Variants in KATNIP observed in about 807,000 individuals in gnomAD.
KATNIP encodes katanin-interacting protein.
Under a neutral mutation model 174.0 loss-of-function variants are expected in KATNIP, and 126 were observed. The ratio of observed to expected loss-of-function variants is 0.72; its 90% CI spans 0.63 to 0.84. KATNIP has a LOEUF of 0.84. Among genes scored for constraint, KATNIP ranks in the 40% least tolerant of loss-of-function variants. KATNIP has a pLI of 0.00. For synonymous variants in KATNIP, 810 were observed against 835.7 expected (o/e 0.97, Z 0.53); for missense variants, 1,958 against 2,109.7 (o/e 0.93, Z 1.41).
intron 21 of KATNIP, 135 bp from the exon 22 acceptor site, chr16:27,771,453 T>A: frequency 1.4e-6 from 1 of 728,472 alleles, no homozygotes; most frequent in Non-Finnish European, 2.2e-6. Context: ...AGGGGCCTCA[T>A]CTCTCTTTTC....
chr16:27,585,144 G>T (rs148709505), intron 2 of KATNIP, among the ~76,000 whole-genome samples: 1 of 152,144 alleles, frequency 6.6e-6, no homozygotes, highest in Non-Finnish European at 1.5e-5. Flanking sequence ...GAGCTGGTCT[G>T]ATACTTACCT....
intron 14 of KATNIP, among the ~76,000 whole-genome samples, chr16:27,723,813 C>T (rs932082805): frequency 6.6e-6 from 1 of 151,742 alleles, no homozygotes; most frequent in African/African-American, 2.4e-5. Flanking sequence ...CTTCCTCCCT[C>T]CCTCCCTCCT....
rs890171441 is a variant in KATNIP at position 27,750,576 on chromosome 16, C to A, written c.3346+270C>A. ...CTGGGACTACAGGCACCCGCCAACA[C>A]GCCCGGCTAATTTTTTGTATTTTTT... On this transcript the variant is annotated intron_variant, in intron 16 of 27. Coordinates refer to ENST00000261588, the MANE Select transcript of KATNIP (RefSeq NM_015202.5). 5.6e-4 allele frequency among the ~76,000 whole-genome samples: 84 copies of A among 150,964 alleles called. 1 individual carries two copies. Among genetic ancestry groups the A allele is most frequent in the African/African-American group, 1.9e-3 (79 of 41,130 alleles).
chr16:27,761,375 C>G (rs1303592002), intron 18 of KATNIP, 38 bp from the exon 19 acceptor site: 1 of 1,564,090 alleles, frequency 6.4e-7, no homozygotes, highest in Non-Finnish European at 8.7e-7. Context: ...TCCTCTGGAG[C>G]CTCTGGTGCT....
rs114497251 is a variant in KATNIP, at chr16:27,593,190, A to C, written c.63+19234A>C. 5.3e-3 allele frequency among the ~76,000 whole-genome samples: 805 copies of C among 151,336 alleles called. 12 individuals are homozygous for C. Among genetic ancestry groups the C allele is most frequent in the African/African-American group, 0.019 (772 of 41,320 alleles). On this transcript the variant is annotated intron_variant, in intron 2 of 27. Coordinates refer to ENST00000261588, the MANE Select transcript of KATNIP (RefSeq NM_015202.5). ...CTCCTAAGTTCACTTACCCACTTAA[A>C]GAGAGTAGCCAGATCTGCCCTAAAC...
At chr16:27,771,508 G>A (rs2082300777) in intron 21 of KATNIP, 80 bp from the exon 22 acceptor site, 2 of 1,386,150 alleles carry the variant, frequency 1.4e-6, no homozygotes, top group Admixed American at 3.6e-5. Flanking sequence ...TTTCTTCAAA[G>A]GCTGTTACCT....
At chr16:27,713,633 A>G (rs1597257952) in intron 13 of KATNIP, among the ~76,000 whole-genome samples, 1 of 10,730 alleles carries the variant, frequency 9.3e-5, no homozygotes, top group South Asian at 4.9e-3. Context: ...TTATGTGTGT[A>G]TTTATATTTA....
At chr16:27,701,496 C>T in intron 10 of KATNIP, 93 bp from the exon 11 acceptor site, 1 of 889,482 alleles carries the variant, frequency 1.1e-6, no homozygotes. Context: ...GGACTGTCAG[C>T]CTGAGCATGC....
At chr16:27,568,026 T>G (rs2090153865) in intron 1 of KATNIP, among the ~76,000 whole-genome samples, 1 of 152,070 alleles carries the variant, frequency 6.6e-6, no homozygotes, top group South Asian at 2.1e-4. Context: ...ACCTTAAGAG[T>G]CCTTCACATG....
chr16:27,766,972 C>T (rs1361032074), intron 20 of KATNIP, among the ~76,000 whole-genome samples: 1 of 152,142 alleles, frequency 6.6e-6, no homozygotes, highest in Admixed American at 6.5e-5. Flanking sequence ...CTGGAGCCCA[C>T]ATTGTGATTT....
chr16:27,558,660 C>T (rs2089727095), intron 1 of KATNIP, among the ~76,000 whole-genome samples: 1 of 152,228 alleles, frequency 6.6e-6, no homozygotes, highest in Non-Finnish European at 1.5e-5. Context: ...CACCCTTTCA[C>T]ATACATATAG....
chr16:27,753,406 C>T (rs977186418), intron 17 of KATNIP, among the ~76,000 whole-genome samples: 3 of 152,060 alleles, frequency 2.0e-5, no homozygotes, highest in Admixed American at 1.3e-4. Context: ...CAAAGGTGCT[C>T]GTAAGGGACT....
In KATNIP at chr16:27,701,689, G is replaced by C. The variant is rs1490998807; in HGVS notation, c.1280G>C (p.Gly427Ala). The C allele has an allele frequency of 6.3e-7, 1 of 1,598,122 alleles. No homozygotes were observed. Among genetic ancestry groups the C allele is most frequent in the Non-Finnish European group, 8.5e-7 (1 of 1,172,474 alleles). Residue 427 changes from glycine to alanine, a missense_variant, in exon 11 of 28, where the codon GGA (glycine) becomes GCA (alanine). This residue lies in a region of KATNIP where 1,557 missense variants were observed against 1,617.8 expected (regional missense o/e 0.96). Transcript: ENST00000261588. ...NQAMDRIGLL[G>A]SRQQQKLLKV... is the part of the protein sequence containing the mutation. Reference sequence around the variant, plus strand: ...GCCATGGACAGAATTGGGCTTCTGGGAAGCAGGTACTACTAAGGCTGAGGC... The same window carrying C: ...GCCATGGACAGAATTGGGCTTCTGGCAAGCAGGTACTACTAAGGCTGAGGC...
At chr16:27,581,380 A>C (rs2090691412) in intron 2 of KATNIP, among the ~76,000 whole-genome samples, 1 of 152,220 alleles carries the variant, frequency 6.6e-6, no homozygotes, top group African/African-American at 2.4e-5. Flanking sequence ...TTCATCTTTT[A>C]ACAGTGCATG....
chr16:27,696,168 G>A (rs1225258726), intron 8 of KATNIP, among the ~76,000 whole-genome samples: 1 of 151,770 alleles, frequency 6.6e-6, no homozygotes, highest in Non-Finnish European at 1.5e-5. Flanking sequence ...CTTAAATTGG[G>A]GTGTTATTAC....
rs1203621973 is a variant in KATNIP, at chr16:27,628,849, G to A, written c.310+19G>A. On this transcript the variant is annotated intron_variant, in intron 4 of 27. Coordinates refer to ENST00000261588, the MANE Select transcript of KATNIP (RefSeq NM_015202.5). ...ACACACGGTGAGCACAGGCCCTCCA[G>A]GCTGAGTCTCAGCTCTGTTAATCAA... The A allele has an allele frequency of 6.2e-7, 1 of 1,613,118 alleles. No individual in the cohort carries two copies. Among genetic ancestry groups the A allele is most frequent in the East Asian group, 2.2e-5 (1 of 44,858 alleles).
intron 8 of KATNIP, 56 bp downstream of exon 8, chr16:27,681,586 C>T: frequency 6.2e-7 from 1 of 1,607,014 alleles, no homozygotes; most frequent in Non-Finnish European, 8.5e-7. Flanking sequence ...GGGTCACTCT[C>T]TGGGGTGCCA....
chr16:27,740,957 A>T, intron 15 of KATNIP, 37 bp downstream of exon 15: 1 of 1,540,226 alleles, frequency 6.5e-7, no homozygotes, highest in Admixed American at 2.0e-5. Context: ...GGGCATCATC[A>T]TCCCAGCCCC....
At chr16:27,558,885 G>A (rs1007854419) in intron 1 of KATNIP, among the ~76,000 whole-genome samples, 2 of 152,078 alleles carry the variant, frequency 1.3e-5, no homozygotes, top group African/African-American at 4.8e-5. Context: ...GGACTCAGTC[G>A]AATAAGGTCT....
Sources: gnomAD v4.1 joint callset for allele counts (sites outside exome capture counted in the v4.1 genomes callset) on GRCh38, gnomAD v4.1.1 for gene constraint, gnomAD v4.1.1 regional missense constraint, MANE v1.5 for transcripts, NCBI Gene and HGNC (gene_info 2026-07-23, HGNC 2026-07-21) for gene names.